NRXN3: variants seen among roughly 807,000 people sequenced by gnomAD.
NRXN3 encodes the protein neurexin 3.
Under a neutral mutation model 137.6 loss-of-function variants are expected in NRXN3, and 32 were observed. That is an observed-to-expected ratio of 0.23 (90% CI 0.18 to 0.31). The LOEUF is 0.31. NRXN3 is among the 10% of genes least tolerant of loss of function. The probability of loss-of-function intolerance (pLI) is 1.00; values close to 1 mark genes in which losing one functional copy is unlikely to be tolerated. For synonymous variants in NRXN3, 798 were observed against 784.5 expected (o/e 1.02, Z -0.29); for missense variants, 1,574 against 2,062.5 (o/e 0.76, Z 4.59).
At chr14:79,261,601 CTGTGTGTGTG>C (rs5809932) in intron 15 of NRXN3, among the ~76,000 whole-genome samples, 10 of 59,180 alleles carry the variant, frequency 1.7e-4, no homozygotes, top group East Asian at 1.2e-3. Flanking sequence ...AAGAAAGGTG[CTGTGTGTGTG>C]TGTGTGTGTG....
intron 20 of NRXN3, among the ~76,000 whole-genome samples, chr14:79,828,651 CTTTT>C (rs199609069): frequency 9.9e-5 from 11 of 110,688 alleles, no homozygotes; most frequent in Admixed American, 4.4e-4. Context: ...GTAAAATTGT[CTTTT>C]TTTTTTTTTT....
chr14:79,811,246 C>T (rs1366548901), intron 20 of NRXN3, among the ~76,000 whole-genome samples: 2 of 152,014 alleles, frequency 1.3e-5, no homozygotes, highest in African/African-American at 2.4e-5. Flanking sequence ...ACACTTTGAC[C>T]AAAGAGATAA....
intron 16 of NRXN3, among the ~76,000 whole-genome samples, chr14:79,515,357 C>T (rs2096972721): frequency 6.6e-6 from 1 of 150,650 alleles, no homozygotes; most frequent in African/African-American, 2.5e-5. Flanking sequence ...TGTGTTCCCA[C>T]GATGATGACT....
intron 19 of NRXN3, among the ~76,000 whole-genome samples, chr14:79,790,025 A>G (rs2099140310): frequency 6.6e-6 from 1 of 152,188 alleles, no homozygotes; most frequent in African/African-American, 2.4e-5. Context: ...GAGTTAATCA[A>G]TTCAGTCTGG....
chr14:78,780,814 G>A (rs562263536), intron 8 of NRXN3, among the ~76,000 whole-genome samples: 5 of 152,274 alleles, frequency 3.3e-5, no homozygotes, highest in South Asian at 2.1e-4. Context: ...TTAAGTGTTG[G>A]CAGGGAGGAG....
intron 16 of NRXN3, among the ~76,000 whole-genome samples, chr14:79,597,831 G>A (rs2097875753): frequency 6.6e-6 from 1 of 152,104 alleles, no homozygotes; most frequent in Non-Finnish European, 1.5e-5. Flanking sequence ...AACCAGACAT[G>A]GTGTTTGCAG....
chr14:78,188,818 G>A (rs978188893), intron 1 of NRXN3, among the ~76,000 whole-genome samples: 1 of 152,072 alleles, frequency 6.6e-6, no homozygotes, highest in African/African-American at 2.4e-5. Flanking sequence ...ATTCCTACGG[G>A]TTGGTTGGGA....
chr14:79,085,973 C>T (rs951398286), intron 15 of NRXN3, among the ~76,000 whole-genome samples: 3 of 152,148 alleles, frequency 2.0e-5, no homozygotes, highest in Admixed American at 1.3e-4. Context: ...TCTCATCTCT[C>T]ATTTGAGCTG....
chr14:78,722,768 G>C (rs962202241), intron 8 of NRXN3, among the ~76,000 whole-genome samples: 1 of 152,094 alleles, frequency 6.6e-6, no homozygotes. Context: ...TGAGCACTTG[G>C]GACACAAAGG....
At chr14:79,260,974 C>T (rs1032157808) in intron 15 of NRXN3, among the ~76,000 whole-genome samples, 3 of 152,190 alleles carry the variant, frequency 2.0e-5, no homozygotes, top group African/African-American at 7.2e-5. Context: ...CAAACACCTA[C>T]TTGCTGTCTG....
chr14:79,259,096 A>G (rs576286637), intron 15 of NRXN3, among the ~76,000 whole-genome samples: 1 of 152,126 alleles, frequency 6.6e-6, no homozygotes, highest in Admixed American at 6.5e-5. Flanking sequence ...CAAAAAAAAG[A>G]TAAGAGGCAG....
chr14:78,899,005 C>A (rs2099187039), intron 10 of NRXN3, among the ~76,000 whole-genome samples: 5 of 151,938 alleles, frequency 3.3e-5, no homozygotes, highest in Admixed American at 2.6e-4. Context: ...AGAACCCTGG[C>A]TTTGACTGAA....
At chr14:79,244,498 G>T (rs2074857178) in intron 15 of NRXN3, among the ~76,000 whole-genome samples, 1 of 152,134 alleles carries the variant, frequency 6.6e-6, no homozygotes, top group South Asian at 2.1e-4. Flanking sequence ...TGGCATATTG[G>T]TGGGGGGTGA....
chr14:78,334,774 A>T (rs1403958770), intron 4 of NRXN3, among the ~76,000 whole-genome samples: 1 of 152,112 alleles, frequency 6.6e-6, no homozygotes, highest in Non-Finnish European at 1.5e-5. Flanking sequence ...GTAATTAGGG[A>T]GTCCTATTTC....
At chr14:78,780,063 G>T (rs1215304539) in intron 8 of NRXN3, among the ~76,000 whole-genome samples, 3 of 152,140 alleles carry the variant, frequency 2.0e-5, no homozygotes, top group Admixed American at 1.3e-4. Context: ...ATCAAGGCAT[G>T]TTTTATCCCC....
chr14:79,625,774 T>C (rs2098275182), intron 16 of NRXN3, among the ~76,000 whole-genome samples: 2 of 152,208 alleles, frequency 1.3e-5, no homozygotes, highest in Non-Finnish European at 1.5e-5. Context: ...TATCCAGTTT[T>C]ACAGACATAG....
intron 8 of NRXN3, among the ~76,000 whole-genome samples, chr14:78,727,480 CG>C (rs2098491182): frequency 1.3e-5 from 2 of 152,130 alleles, no homozygotes; most frequent in Admixed American, 1.3e-4. Flanking sequence ...CGGTGGCTCA[CG>C]CCTGTAATTC....
rs1223592250 is a variant in NRXN3, at chr14:79,622,560, T to A, written c.3445-41218T>A. On this transcript the variant is annotated intron_variant, in intron 16 of 20. Coordinates refer to ENST00000335750, the MANE Select transcript of NRXN3 (RefSeq NM_001330195.2). ...TGGGATTTAGTGAGGGCCCAGATAC[T>A]ACTTGTCTGTTATTATTTAGTTTAT... Among the ~76,000 whole-genome samples the A allele has an allele frequency of 8.5e-5, 13 of 152,280 alleles. No individual in the cohort carries two copies. In the South Asian group the frequency reaches 2.7e-3, roughly 32 times the overall value.
chr14:79,178,349 T>C (rs1013233271), intron 15 of NRXN3, among the ~76,000 whole-genome samples: 1 of 152,252 alleles, frequency 6.6e-6, no homozygotes, highest in Non-Finnish European at 1.5e-5. Context: ...CTCTGTCTTT[T>C]TTTTAATTGT....
Sources: allele counts gnomAD v4.1 joint callset (sites outside exome capture counted in the v4.1 genomes callset), GRCh38; gene constraint gnomAD v4.1.1; transcripts MANE v1.5; gene names NCBI Gene and HGNC (gene_info 2026-07-23, HGNC 2026-07-21).